The following ACSL5 variants were observed in gnomAD, a reference collection of about 807,000 sequenced individuals.
The protein encoded by ACSL5 is long-chain-fatty-acid--CoA ligase 5.
Under a neutral mutation model 84.9 loss-of-function variants are expected in ACSL5, and 50 were observed. The observed-to-expected ratio is 0.59, with a 90% CI of 0.47 to 0.75. The LOEUF (loss-of-function observed/expected upper bound fraction) is 0.75. ACSL5 is among the 30% of genes least tolerant of loss of function. The pLI is 0.00. For synonymous variants in ACSL5, 280 were observed against 300.7 expected (o/e 0.93, Z 0.71); for missense variants, 775 against 830.4 (o/e 0.93, Z 0.82).
At chr10:112,375,059 A>AC (rs1369642546) in intron 1 of ACSL5, among the ~76,000 whole-genome samples, 1 of 145,268 alleles carries the variant, frequency 6.9e-6, no homozygotes, top group African/African-American at 2.7e-5. Context: ...CAATAAAAAA[A>AC]AAAGAAATAA....
chr10:112,403,618 G>C (rs1043479410), intron 3 of ACSL5, among the ~76,000 whole-genome samples: 1 of 152,226 alleles, frequency 6.6e-6, no homozygotes, highest in Non-Finnish European at 1.5e-5. Context: ...CTATTTAGCA[G>C]TCTAGGAGAG....
At chr10:112,404,668 T>TTCTC in intron 4 of ACSL5, 37 bp from the exon 5 acceptor site, 3 of 1,591,008 alleles carry the variant, frequency 1.9e-6, no homozygotes, top group Non-Finnish European at 1.7e-6. Context: ...TCTTGACCTC[T>TTCTC]TCTCTCTCTC....
intron 18 of ACSL5, chr10:112,425,720 A>G: frequency 2.7e-6 from 1 of 374,220 alleles, no homozygotes; most frequent in East Asian, 4.4e-5. Context: ...TGGCTATACT[A>G]AAAGGTAATG....
At chr10:112,423,608 C>A (rs995045683) in intron 17 of ACSL5, among the ~76,000 whole-genome samples, 1 of 152,000 alleles carries the variant, frequency 6.6e-6, no homozygotes, top group African/African-American at 2.4e-5. Flanking sequence ...ATACAACCAG[C>A]AAGCAGTAAG....
intron 1 of ACSL5, among the ~76,000 whole-genome samples, chr10:112,378,981 A>T (rs1849296343): frequency 6.6e-6 from 1 of 152,210 alleles, no homozygotes; most frequent in South Asian, 2.1e-4. Context: ...CCCAGTCTTC[A>T]TGGGCCATTC....
intron 2 of ACSL5, 71 bp downstream of exon 2, chr10:112,395,173 T>G: frequency 6.8e-7 from 1 of 1,474,330 alleles, no homozygotes; most frequent in Non-Finnish European, 9.3e-7. Flanking sequence ...AACCTAGGGA[T>G]AGCTCATGAA....
intron 5 of ACSL5, among the ~76,000 whole-genome samples, chr10:112,407,380 C>A (rs558210342): frequency 6.6e-6 from 1 of 152,078 alleles, no homozygotes; most frequent in South Asian, 2.1e-4. Flanking sequence ...CATGCCACCA[C>A]GCCCAGCTAA....
chr10:112,408,189 C>T (rs931946209), intron 5 of ACSL5, among the ~76,000 whole-genome samples: 2 of 151,486 alleles, frequency 1.3e-5, no homozygotes, highest in African/African-American at 4.9e-5. Context: ...GTTCCAGCTA[C>T]TCAGGAGGCT....
Position 112,425,393 on chromosome 10 carries a change from G to A in ACSL5, c.1649G>A (p.Gly550Glu). The change falls in exon 18 of 21, where the codon GGA (glycine) becomes GAA (glutamate). Residue 550 changes from glycine (G) to glutamate (E), a missense_variant. Transcript: ENST00000354655. ...AAGAACATTTTCAAGCTGGCCCAAG[G>A]AGAATACATTGCACCAGAGAAGATA... The part of the protein sequence containing the change: ...RKKNIFKLAQ[G>E]EYIAPEKIEN... 2 of 1,613,368 alleles carry A rather than the reference G, an allele frequency of 1.2e-6. No homozygotes were observed. The highest frequency in any genetic ancestry group is 1.7e-6 in the Non-Finnish European group (2 of 1,179,678).
Position 112,425,450 on chromosome 10 carries a change from T to C in ACSL5, c.1706T>C (p.Leu569Ser), listed in dbSNP as rs776956421. 1.2e-6 allele frequency: 2 copies of C among 1,613,174 alleles called. No individual in the cohort carries two copies. Among genetic ancestry groups the C allele is most frequent in the Non-Finnish European group, 1.7e-6 (2 of 1,179,630 alleles). ...ENIYNRSQPVLQIFVHGESLR... is the reference protein window; with the variant it reads ...ENIYNRSQPVSQIFVHGESLR... Reference sequence around the variant, plus strand: ...ATCTACAACAGGAGTCAACCAGTGTTACAAATTTTTGTACACGGGGAGAGC... The same window carrying C: ...ATCTACAACAGGAGTCAACCAGTGTCACAAATTTTTGTACACGGGGAGAGC... The change falls in exon 18 of 21, where the codon TTA becomes TCA. Residue 569 changes from leucine to serine, a missense_variant. Coordinates refer to ENST00000354655, the MANE Select transcript of ACSL5 (RefSeq NM_203379.2).
At position 112,395,019 on chromosome 10, in the gene ACSL5, G is replaced by C; in HGVS notation, c.73G>C (p.Ala25Pro). The change falls in exon 2 of 21, where the codon GCT becomes CCT. Residue 25 changes from alanine (A) to proline (P), a missense_variant. By Grantham distance (27) the Ala-to-Pro change is conservative. Transcript: ENST00000354655. ...GTTGATCTGCATCCTGACATTTGGA[G>C]CTGCCATCTTCTTGTGGCTGATCAC... Reference protein sequence around the residue: ...PALICILTFGAAIFLWLITRP... With the variant: ...PALICILTFGPAIFLWLITRP... 1 of 1,613,908 alleles carries C rather than the reference G, an allele frequency of 6.2e-7. No homozygotes were observed. The highest frequency in any genetic ancestry group is 1.1e-5 in the South Asian group (1 of 91,076).
chr10:112,413,078 G>T, intron 11 of ACSL5, 95 bp from the exon 12 acceptor site: 1 of 1,397,348 alleles, frequency 7.2e-7, no homozygotes, highest in Non-Finnish European at 9.9e-7. Flanking sequence ...TGAAGGGGTT[G>T]TTTGCCTCAG....
At chr10:112,409,397 C>T (rs1007642603) in intron 6 of ACSL5, 110 bp from the exon 7 acceptor site, 3 of 908,806 alleles carry the variant, frequency 3.3e-6, no homozygotes, top group Admixed American at 4.5e-5. Context: ...GTGTAATCTC[C>T]TTTGGACACC....
At chr10:112,386,971 G>T (rs961317436) in intron 1 of ACSL5, among the ~76,000 whole-genome samples, 1 of 151,936 alleles carries the variant, frequency 6.6e-6, no homozygotes, top group Non-Finnish European at 1.5e-5. Context: ...TTCCTTAGAG[G>T]GTTTTTAGAA....
Position 112,395,080 on chromosome 10 carries a change from A to G in ACSL5, c.134A>G (p.Asn45Ser). 1 of 1,613,960 alleles carries G rather than the reference A, an allele frequency of 6.2e-7. No individual in the cohort carries two copies. The highest frequency in any genetic ancestry group is 8.5e-7 in the Non-Finnish European group (1 of 1,179,968). Residue 45 changes from asparagine (N) to serine (S), a missense_variant, in exon 2 of 21, where the codon AAC becomes AGC. Transcript: ENST00000354655. ...PQPVLPLLDLNNQSVGIEGGA... is the reference protein window; with the variant it reads ...PQPVLPLLDLSNQSVGIEGGA... ...CCCGTCTTACCTCTTCTTGACCTGA[A>G]CAATCAGTCTGTGGGAATTGAGGTA...
chr10:112,408,540 A>G lies in ACSL5; in HGVS notation c.532+19A>G, dbSNP rs75715353. On this transcript the variant is annotated intron_variant, in intron 6 of 20. Coordinates refer to ENST00000354655, the MANE Select transcript of ACSL5 (RefSeq NM_203379.2). ...AACAAGGGTAAAATTTTGCTGTTAC[A>G]TTACAACTTGATTCTTTCTCAATGC... The G allele has an allele frequency of 1.7e-4, 255 of 1,482,638 alleles. No homozygotes were observed. The African/African-American group carries it at 3.3e-3, about 19-fold the overall frequency. 91.8% of individuals were successfully genotyped at this position (1,482,638 alleles called of 1,614,324 possible). A position where few individuals can be genotyped will look rare whatever the true frequency, so the allele number is the denominator to read the frequency against.
chr10:112,399,216 G>A (rs1843819123), intron 3 of ACSL5, among the ~76,000 whole-genome samples: 1 of 152,188 alleles, frequency 6.6e-6, no homozygotes, highest in African/African-American at 2.4e-5. Flanking sequence ...TTGAAACCTG[G>A]TTCTTCCATT....
chr10:112,374,306 A>G (rs1484664163), intron 1 of ACSL5, 37 bp downstream of exon 1: 1 of 152,208 alleles, frequency 6.6e-6, no homozygotes, highest in African/African-American at 2.4e-5. Context: ...TATATTGAAT[A>G]TATCTGTGAG....
At chr10:112,381,787 T>C in intron 1 of ACSL5, among the ~76,000 whole-genome samples, 1 of 151,400 alleles carries the variant, frequency 6.6e-6, no homozygotes, top group Non-Finnish European at 1.5e-5. Context: ...GCCAATATGG[T>C]GAAACCTAGT....
Sources: allele counts gnomAD v4.1 joint callset (sites outside exome capture counted in the v4.1 genomes callset), GRCh38; gene constraint gnomAD v4.1.1; transcripts MANE v1.5; gene names NCBI Gene and HGNC (gene_info 2026-07-23, HGNC 2026-07-21).